The following ARHGAP24 variants were observed in gnomAD, a reference collection of about 807,000 sequenced individuals.
ARHGAP24 encodes Rho GTPase activating protein 24.
Under a neutral mutation model 76.4 loss-of-function variants are expected in ARHGAP24, and 50 were observed. The ratio of observed to expected loss-of-function variants is 0.65; its 90% CI spans 0.52 to 0.83. The LOEUF is 0.83. ARHGAP24 is among the 40% of genes least tolerant of loss of function. The probability of loss-of-function intolerance (pLI) is 0.00; values close to 1 mark genes in which losing one functional copy is unlikely to be tolerated. For missense variants in ARHGAP24, 930 were observed against 914.2 expected, an observed-to-expected ratio of 1.02 and a Z score of -0.22; for synonymous variants, 345 against 323.3, an observed-to-expected ratio of 1.07 and a Z score of -0.72.
At chr4:85,644,726 A>G (rs73833389) in intron 2 of ARHGAP24, among the ~76,000 whole-genome samples, 7,968 of 152,206 alleles carry the variant, frequency 0.052, 672 homozygotes, top group African/African-American at 0.18. Flanking sequence ...CTTTTAAATA[A>G]TATATACAAA....
At chr4:85,792,420 A>G (rs1728171996) in intron 3 of ARHGAP24, among the ~76,000 whole-genome samples, 1 of 152,160 alleles carries the variant, frequency 6.6e-6, no homozygotes, top group African/African-American at 2.4e-5. Flanking sequence ...TTAAAGAAAC[A>G]TGGCTCAGTA....
intron 3 of ARHGAP24, among the ~76,000 whole-genome samples, chr4:85,826,783 A>T (rs1486844294): frequency 6.6e-6 from 1 of 152,230 alleles, no homozygotes; most frequent in Non-Finnish European, 1.5e-5. Context: ...GACACCTAGG[A>T]GGTTAAATTG....
At chr4:85,889,817 C>G (rs1733783940) in intron 3 of ARHGAP24, among the ~76,000 whole-genome samples, 1 of 152,148 alleles carries the variant, frequency 6.6e-6, no homozygotes, top group African/African-American at 2.4e-5. Flanking sequence ...AGAGCAATCA[C>G]AGCACATTAT....
intron 3 of ARHGAP24, among the ~76,000 whole-genome samples, chr4:85,739,616 T>TATAGCCTACAGGATCCCATCCCCTA (rs1560609874): frequency 1.8e-4 from 2 of 10,840 alleles, no homozygotes; most frequent in African/African-American, 2.9e-4. Flanking sequence ...CGTTCAATCT[T>TATAGCCTACAGGATCCCATCCCCTA]TTTTTTTTTT....
intron 3 of ARHGAP24, among the ~76,000 whole-genome samples, chr4:85,876,095 C>T (rs937636364): frequency 1.3e-4 from 20 of 151,900 alleles, no homozygotes; most frequent in African/African-American, 4.8e-4. Context: ...TTTATAAAAG[C>T]GATTATTTTG....
chr4:85,825,672 C>T (rs1729680676), intron 3 of ARHGAP24, among the ~76,000 whole-genome samples: 1 of 152,176 alleles, frequency 6.6e-6, no homozygotes, highest in South Asian at 2.1e-4. Context: ...GTAATAAAAA[C>T]TGATTTTTCC....
chr4:85,531,432 A>G (rs1183731974), intron 1 of ARHGAP24, among the ~76,000 whole-genome samples: 1 of 152,068 alleles, frequency 6.6e-6, no homozygotes, highest in Non-Finnish European at 1.5e-5. Flanking sequence ...TGTGGAAGAG[A>G]TGAGGAGTGT....
intron 4 of ARHGAP24, among the ~76,000 whole-genome samples, chr4:85,933,667 G>C (rs1736472884): frequency 6.6e-6 from 1 of 152,130 alleles, no homozygotes; most frequent in Non-Finnish European, 1.5e-5. Flanking sequence ...TGTTGATTTT[G>C]AAACTACAAT....
chr4:85,616,882 C>T (rs1720559204), intron 2 of ARHGAP24, among the ~76,000 whole-genome samples: 1 of 152,038 alleles, frequency 6.6e-6, no homozygotes, highest in South Asian at 2.1e-4. Flanking sequence ...CCCACCTTGG[C>T]CTCCCAAAGT....
At chr4:85,565,207 T>C (rs1726792489) in intron 1 of ARHGAP24, among the ~76,000 whole-genome samples, 1 of 151,824 alleles carries the variant, frequency 6.6e-6, no homozygotes, top group African/African-American at 2.4e-5. Context: ...TTGTTTAAAA[T>C]AAGAAAAAGT....
At chr4:85,882,182 T>A (rs1451254366) in intron 3 of ARHGAP24, among the ~76,000 whole-genome samples, 2 of 152,082 alleles carry the variant, frequency 1.3e-5, no homozygotes, top group East Asian at 3.9e-4. Flanking sequence ...CAGAACTAGA[T>A]ATATTTGAGT....
At chr4:85,890,759 A>G (rs1560699158) in intron 3 of ARHGAP24, among the ~76,000 whole-genome samples, 2 of 152,206 alleles carry the variant, frequency 1.3e-5, no homozygotes, top group Non-Finnish European at 2.9e-5. Flanking sequence ...TTTGCACACC[A>G]CTGCAACTGG....
chr4:85,895,001 C>CAA (rs1222078793), intron 3 of ARHGAP24, among the ~76,000 whole-genome samples: 6 of 54,332 alleles, frequency 1.1e-4, no homozygotes, highest in Admixed American at 5.3e-4. Flanking sequence ...AAACAAAAAG[C>CAA]AAAAAAAAAA....
At chr4:85,623,740 A>G (rs1720812024) in intron 2 of ARHGAP24, among the ~76,000 whole-genome samples, 1 of 151,862 alleles carries the variant, frequency 6.6e-6, no homozygotes, top group Non-Finnish European at 1.5e-5. Flanking sequence ...ATGTTCTTCC[A>G]TTTGTTTGTA....
chr4:85,845,625 G>A lies in ARHGAP24; in HGVS notation c.269-78023G>A, dbSNP rs72658255. 5.9e-3 allele frequency among the ~76,000 whole-genome samples: 895 copies of A among 152,120 alleles called. 5 individuals carry two copies. Among genetic ancestry groups the A allele is most frequent in the South Asian group, 0.01 (49 of 4,814 alleles). On this transcript the variant is annotated intron_variant, in intron 3 of 9. Coordinates refer to ENST00000395184, the MANE Select transcript of ARHGAP24 (RefSeq NM_001025616.3). ...TTTGCTTACGCACACTTAAGACATAGCAGTGCCCCTAATCACTACCTACCT... is the reference window on the plus strand; with the variant it reads ...TTTGCTTACGCACACTTAAGACATAACAGTGCCCCTAATCACTACCTACCT...
chr4:85,624,492 A>G (rs1419011052), intron 2 of ARHGAP24, among the ~76,000 whole-genome samples: 1 of 152,134 alleles, frequency 6.6e-6, no homozygotes, highest in African/African-American at 2.4e-5. Flanking sequence ...GTTTGCCAGT[A>G]TTTTATTGAG....
chr4:85,981,120 G>A (rs1351328151), intron 8 of ARHGAP24, among the ~76,000 whole-genome samples: 1 of 152,142 alleles, frequency 6.6e-6, no homozygotes, highest in Non-Finnish European at 1.5e-5. Context: ...GTAACACAAT[G>A]ATTGGCTCAA....
chr4:85,626,061 T>A (rs546568173), intron 2 of ARHGAP24, among the ~76,000 whole-genome samples: 1 of 152,332 alleles, frequency 6.6e-6, no homozygotes, highest in East Asian at 1.9e-4. Context: ...GAACATTTAG[T>A]CCATTTACAT....
chr4:85,534,899 G>C (rs559950151), intron 1 of ARHGAP24, among the ~76,000 whole-genome samples: 1 of 147,916 alleles, frequency 6.8e-6, no homozygotes, highest in East Asian at 2.0e-4. Flanking sequence ...GCTAAGGTCC[G>C]TTGGGCTTCT....
Sources: allele counts gnomAD v4.1 joint callset (sites outside exome capture counted in the v4.1 genomes callset), GRCh38; gene constraint gnomAD v4.1.1; transcripts MANE v1.5; gene names NCBI Gene and HGNC (gene_info 2026-07-23, HGNC 2026-07-21).